Variants in DNM3 observed in about 807,000 individuals in gnomAD.
DNM3 encodes the protein dynamin 3.
A neutral mutation model predicts 101.6 loss-of-function variants in DNM3; 47 were observed. The observed-to-expected ratio is 0.46, with a 90% CI of 0.37 to 0.59. DNM3 has a LOEUF of 0.59. DNM3 is among the 20% of genes least tolerant of loss of function. The pLI, the probability that DNM3 is intolerant of heterozygous loss-of-function variation, is 0.00. For synonymous variants in DNM3, 385 were observed against 387.9 expected (o/e 0.99, Z 0.09); for missense variants, 849 against 1,085.7 (o/e 0.78, Z 3.06).
chr1:171,873,935 C>T (rs374295931), intron 1 of DNM3, among the ~76,000 whole-genome samples: 6 of 152,306 alleles, frequency 3.9e-5, no homozygotes, highest in South Asian at 4.1e-4. Flanking sequence ...GACATTATTA[C>T]AGTGAGTGGT....
At chr1:171,868,105 C>A (rs1360365687) in intron 1 of DNM3, among the ~76,000 whole-genome samples, 1 of 152,122 alleles carries the variant, frequency 6.6e-6, no homozygotes, top group East Asian at 1.9e-4. Context: ...CTTTATGGAT[C>A]TTCCTTCAGC....
At position 172,081,828 on chromosome 1, in the gene DNM3, A is replaced by G. The variant is rs949989604; in HGVS notation, c.1423-4A>G. 1.2e-6 allele frequency: 2 copies of G among 1,611,130 alleles called. No homozygotes were observed. Among genetic ancestry groups the G allele is most frequent in the African/African-American group, 2.7e-5 (2 of 74,904 alleles). On this transcript the variant is annotated splice_region_variant and splice_polypyrimidine_tract_variant and intron_variant, in intron 11 of 20. Coordinates refer to ENST00000627582, the MANE Select transcript of DNM3 (RefSeq NM_015569.5). Reference sequence around the variant, plus strand: ...TCACTGAAGTGTTTCTCTTTGACTTATAGGTATTGCTATTGATTGACATTC... The same window carrying G: ...TCACTGAAGTGTTTCTCTTTGACTTGTAGGTATTGCTATTGATTGACATTC...
intron 15 of DNM3, among the ~76,000 whole-genome samples, chr1:172,273,818 T>C (rs1359059410): frequency 1.3e-5 from 2 of 152,090 alleles, no homozygotes; most frequent in African/African-American, 4.8e-5. Flanking sequence ...TGAAAGGATC[T>C]TGGGGACTCC....
At chr1:172,336,669 A>T (rs1232088333) in intron 17 of DNM3, among the ~76,000 whole-genome samples, 5 of 151,358 alleles carry the variant, frequency 3.3e-5, no homozygotes, top group Non-Finnish European at 5.9e-5. Flanking sequence ...TTCTTATTTA[A>T]TCCTTGGCAG....
At chr1:172,107,851 T>C (rs1329223057) in intron 13 of DNM3, among the ~76,000 whole-genome samples, 1 of 152,240 alleles carries the variant, frequency 6.6e-6, no homozygotes, top group Admixed American at 6.5e-5. Flanking sequence ...TCTTTTCACA[T>C]TCAGTGCAAT....
At position 171,971,640 on chromosome 1, in the gene DNM3, A is replaced by G. The variant is rs147602729; in HGVS notation, c.236-16016A>G. Among the ~76,000 whole-genome samples the G allele has an allele frequency of 5.1e-4, 77 of 152,252 alleles. 1 individual carries two copies. The East Asian group carries it at 0.01, about 20-fold the overall frequency. On this transcript the variant is annotated intron_variant, in intron 2 of 20. Coordinates refer to ENST00000627582, the MANE Select transcript of DNM3 (RefSeq NM_015569.5). Reference sequence around the variant, plus strand: ...AATGGAAAATAATCTGAACTTTGTAACCTAAGAAGCAAAATAGTCTGAATT... The same window carrying G: ...AATGGAAAATAATCTGAACTTTGTAGCCTAAGAAGCAAAATAGTCTGAATT...
At chr1:172,340,587 T>C (rs946143734) in intron 17 of DNM3, among the ~76,000 whole-genome samples, 3 of 152,244 alleles carry the variant, frequency 2.0e-5, no homozygotes, top group Admixed American at 6.5e-5. Context: ...AAGTGAAGAA[T>C]AAATTAGAAT....
At chr1:172,099,264 C>T (rs75409325) in intron 13 of DNM3, among the ~76,000 whole-genome samples, 2 of 152,232 alleles carry the variant, frequency 1.3e-5, no homozygotes, top group African/African-American at 4.8e-5. Flanking sequence ...ATTCACCCTC[C>T]TATAATAATT....
At chr1:172,305,934 G>A (rs945603230) in intron 15 of DNM3, among the ~76,000 whole-genome samples, 1 of 152,198 alleles carries the variant, frequency 6.6e-6, no homozygotes, top group African/African-American at 2.4e-5. Flanking sequence ...CATAGTGAAT[G>A]GGCAAAAACT....
At chr1:172,153,438 TG>T (rs2058216105) in intron 14 of DNM3, among the ~76,000 whole-genome samples, 2 of 152,192 alleles carry the variant, frequency 1.3e-5, no homozygotes, top group African/African-American at 4.8e-5. Flanking sequence ...CAAAAGGCAG[TG>T]ATATGTGTTA....
rs116163293 is a variant in DNM3, at chr1:171,876,896, A to G, written c.161+35079A>G. 7.9e-3 allele frequency among the ~76,000 whole-genome samples: 1,204 copies of G among 152,320 alleles called. 17 individuals carry two copies. The highest frequency in any genetic ancestry group is 0.027 in the African/African-American group (1,118 of 41,570). ...TTCAAAGACTTCATTTAGGAAGTTA[A>G]TGTTGTTCCAGGCGATTAGCAAAGT... On this transcript the variant is annotated intron_variant, in intron 1 of 20. Transcript: ENST00000627582.
chr1:172,050,596 A>T (rs2050136842), intron 10 of DNM3, among the ~76,000 whole-genome samples: 1 of 152,230 alleles, frequency 6.6e-6, no homozygotes, highest in Non-Finnish European at 1.5e-5. Flanking sequence ...GACTAGGTGT[A>T]GGCAAGGTAA....
At chr1:172,258,566 T>C (rs2062514867) in intron 15 of DNM3, among the ~76,000 whole-genome samples, 1 of 152,146 alleles carries the variant, frequency 6.6e-6, no homozygotes, top group Admixed American at 6.5e-5. Flanking sequence ...TTTTTCATAA[T>C]AAGCTCTGAT....
At chr1:172,312,812 A>G (rs1372518031) in intron 16 of DNM3, among the ~76,000 whole-genome samples, 2 of 152,216 alleles carry the variant, frequency 1.3e-5, no homozygotes, top group African/African-American at 4.8e-5. Context: ...ATATGATAAG[A>G]TCTACAGTGG....
At chr1:172,010,574 G>T (rs2047041420) in intron 4 of DNM3, among the ~76,000 whole-genome samples, 2 of 125,166 alleles carry the variant, frequency 1.6e-5, no homozygotes, top group African/African-American at 3.0e-5. Flanking sequence ...GTATCTCTTT[G>T]TGTGTGTCTC....
At chr1:172,277,076 A>C (rs1172576373) in intron 15 of DNM3, among the ~76,000 whole-genome samples, 1 of 152,062 alleles carries the variant, frequency 6.6e-6, no homozygotes, top group African/African-American at 2.4e-5. Context: ...TCTGTTATGT[A>C]TTAGGCTCTG....
intron 12 of DNM3, among the ~76,000 whole-genome samples, chr1:172,089,117 C>T (rs1216353045): frequency 6.6e-6 from 1 of 152,172 alleles, no homozygotes; most frequent in East Asian, 1.9e-4. Flanking sequence ...TAATTATATC[C>T]CACATTTAAA....
intron 14 of DNM3, among the ~76,000 whole-genome samples, chr1:172,200,232 C>A (rs913675736): frequency 6.6e-6 from 1 of 151,998 alleles, no homozygotes; most frequent in African/African-American, 2.4e-5. Context: ...GAGTATAGGC[C>A]CCCAATCTCT....
intron 1 of DNM3, among the ~76,000 whole-genome samples, chr1:171,907,262 C>T (rs868191247): frequency 2.6e-5 from 4 of 152,276 alleles, no homozygotes; most frequent in East Asian, 3.9e-4. Context: ...GAGGCTGAGG[C>T]GGGCAGATCA....
Sources: gnomAD v4.1 joint callset for allele counts (sites outside exome capture counted in the v4.1 genomes callset) on GRCh38, gnomAD v4.1.1 for gene constraint, MANE v1.5 for transcripts, NCBI Gene and HGNC (gene_info 2026-07-23, HGNC 2026-07-21) for gene names.